BCL11A: variants seen among roughly 807,000 people sequenced by gnomAD.
BCL11A encodes B cell CLL/lymphoma 11A.
In BCL11A, 2 loss-of-function variants were observed where a neutral mutation model predicts 55.9. That is an observed-to-expected ratio of 0.04 (90% CI 0.01 to 0.11). The LOEUF (loss-of-function observed/expected upper bound fraction) is 0.11, where lower values mean the gene tolerates loss of function less well. BCL11A is among the 10% of genes least tolerant of loss of function. The pLI is 1.00. For missense variants in BCL11A, 817 were observed against 1,137.1 expected (o/e 0.72, Z 4.05); for synonymous variants, 465 against 473.4 (o/e 0.98, Z 0.23).
At chr2:60,486,879 C>T (rs970304577) in intron 2 of BCL11A, among the ~76,000 whole-genome samples, 1 of 152,198 alleles carries the variant, frequency 6.6e-6, no homozygotes, top group African/African-American at 2.4e-5. Flanking sequence ...CATGGCTCAG[C>T]CCACGCCCTT....
chr2:60,473,866 G>T (rs1677362552), intron 2 of BCL11A, among the ~76,000 whole-genome samples: 1 of 152,174 alleles, frequency 6.6e-6, no homozygotes, highest in African/African-American at 2.4e-5. Context: ...CTAGAAATGA[G>T]CATTTACATG....
intron 2 of BCL11A, among the ~76,000 whole-genome samples, chr2:60,521,332 G>T (rs903153566): frequency 7.2e-5 from 11 of 152,186 alleles, no homozygotes; most frequent in Admixed American, 7.2e-4. Context: ...GAGAGAGAGC[G>T]GACATTTTGT....
intron 2 of BCL11A, among the ~76,000 whole-genome samples, chr2:60,492,516 C>T (rs1678694544): frequency 6.6e-6 from 1 of 152,118 alleles, no homozygotes; most frequent in Non-Finnish European, 1.5e-5. Context: ...CAGATTTCCT[C>T]CCCTTGCTCT....
chr2:60,459,584 T>C lies in BCL11A; in HGVS notation c.*820A>G, dbSNP rs1676118443. 2 of 1,027,410 alleles carry C rather than the reference T, an allele frequency of 1.9e-6. No individual in the cohort carries two copies. The highest frequency in any genetic ancestry group is 1.7e-5 in the African/African-American group (1 of 58,948). The allele number at this position is 1,027,410 out of a possible 1,614,324, so 63.6% of individuals were successfully genotyped here. A position where few individuals can be genotyped will look rare whatever the true frequency, so the allele number is the denominator to read the frequency against. On this transcript the variant is annotated 3_prime_UTR_variant, in exon 4 of 4. Coordinates refer to ENST00000642384, the MANE Select transcript of BCL11A (RefSeq NM_022893.4). The stretch of plus-strand genomic sequence containing the variant: ...AATACAATATAGAATTATATGCTAG[T>C]TCCTAAGGTTTATTACCTCACCCAA...
intron 2 of BCL11A, chr2:60,544,248 T>C (rs180731208): frequency 5.2e-5 from 8 of 152,384 alleles, no homozygotes; most frequent in Non-Finnish European, 5.9e-5. Context: ...TACTCCATAT[T>C]TGGTGATTTA....
At chr2:60,488,962 G>C (rs975243437) in intron 2 of BCL11A, among the ~76,000 whole-genome samples, 4 of 152,250 alleles carry the variant, frequency 2.6e-5, no homozygotes, top group Admixed American at 1.3e-4. Flanking sequence ...GTTTCTCCAT[G>C]TTGGTCAGGC....
In BCL11A at chr2:60,461,415, T is replaced by A; in HGVS notation, c.1497A>T (p.Glu499Asp). 6.2e-7 allele frequency: 1 copy of A among 1,604,376 alleles called. No individual in the cohort carries two copies. The part of the protein sequence containing the change: ...EDDEEEEEEE[E>D]EEEEELTESE... ...TCTCCGTCAGCTCCTCCTCCTCCTC[T>A]TCCTCCTCTTCTTCCTCTTCCTCGT... is the stretch of plus-strand genomic sequence containing the variant. Residue 499 changes from glutamate to aspartate, a missense_variant, in exon 4 of 4, where the codon GAA (glutamate) becomes GAT (aspartate). This residue lies in a region of BCL11A where 379 missense variants were observed against 425.3 expected (regional missense o/e 0.89). Coordinates refer to ENST00000642384, the MANE Select transcript of BCL11A (RefSeq NM_022893.4).
intron 1 of BCL11A, chr2:60,549,825 T>C (rs1375339983): frequency 1.3e-5 from 2 of 152,256 alleles, no homozygotes; most frequent in African/African-American, 4.8e-5. Context: ...GGTCCTGAGA[T>C]TCATTCTGTG....
chr2:60,520,891 G>T (rs897764062), intron 2 of BCL11A, among the ~76,000 whole-genome samples: 1 of 151,992 alleles, frequency 6.6e-6, no homozygotes, highest in East Asian at 1.9e-4. Context: ...CTTCTTTGCA[G>T]AAAAAAAGAT....
At chr2:60,536,140 GCTCCA>G (rs914024182) in intron 2 of BCL11A, 1 of 152,140 alleles carries the variant, frequency 6.6e-6, no homozygotes, top group African/African-American at 2.4e-5. Context: ...CCAGCTTACC[GCTCCA>G]CTGCTAGACC....
downstream of BCL11A, among the ~76,000 whole-genome samples, chr2:60,455,107 T>TAA (rs567617557): frequency 6.2e-4 from 94 of 152,310 alleles, no homozygotes; most frequent in East Asian, 2.1e-3. Context: ...GTTTCTGGTT[T>TAA]AAAATCTGTG....
chr2:60,513,004 A>G (rs1668548544), intron 2 of BCL11A, among the ~76,000 whole-genome samples: 1 of 152,162 alleles, frequency 6.6e-6, no homozygotes, highest in Non-Finnish European at 1.5e-5. Context: ...CTGACGAGTC[A>G]CAGTGGACCA....
chr2:60,512,259 G>A (rs1425630999), intron 2 of BCL11A, among the ~76,000 whole-genome samples: 1 of 152,196 alleles, frequency 6.6e-6, no homozygotes, highest in Non-Finnish European at 1.5e-5. Context: ...AACTGCTCAT[G>A]GTGGCTGCCC....
At chr2:60,540,916 G>A (rs1441157446) in intron 2 of BCL11A, among the ~76,000 whole-genome samples, 1 of 151,100 alleles carries the variant, frequency 6.6e-6, no homozygotes, top group Non-Finnish European at 1.5e-5. Context: ...AACAAGGAAT[G>A]GGGTGATTTA....
chr2:60,463,405 T>C, intron 3 of BCL11A, among the ~76,000 whole-genome samples: 1 of 152,232 alleles, frequency 6.6e-6, no homozygotes, highest in African/African-American at 2.4e-5. Flanking sequence ...TTTGAGAGGC[T>C]AACAACGTGA....
intron 2 of BCL11A, among the ~76,000 whole-genome samples, chr2:60,485,894 T>G (rs1372717108): frequency 6.6e-6 from 1 of 152,238 alleles, no homozygotes; most frequent in Non-Finnish European, 1.5e-5. Context: ...AATACATTGC[T>G]GCATCTGATT....
exon 5 of BCL11A, chr2:60,451,282 C>T (rs768723833): frequency 4.0e-4 from 90 of 226,524 alleles, no homozygotes; most frequent in Non-Finnish European, 6.7e-4. Context: ...GGATTTTCCC[C>T]ACTTAGGTTC....
At position 60,461,473 on chromosome 2, in the gene BCL11A, G is replaced by A. The variant is rs757924667; in HGVS notation, c.1439C>T (p.Pro480Leu). 1.2e-6 allele frequency: 2 copies of A among 1,604,622 alleles called. No homozygotes were observed. Among genetic ancestry groups the A allele is most frequent in the Non-Finnish European group, 1.7e-6 (2 of 1,179,692 alleles). ...CTCTTCCTCCTCGTCCCCGTTCTCC[G>A]GGATCAGGTTGGGGTCGTTCTCGCT... ...FKSENDPNLI[P>L]ENGDEEEEED... Residue 480 changes from proline (P) to leucine (L), a missense_variant, in exon 4 of 4, where the codon CCG (proline) becomes CTG (leucine). Pro to Leu is a moderately conservative substitution (Grantham distance 98, BLOSUM62 -3). This residue lies in a region of BCL11A where 379 missense variants were observed against 425.3 expected (regional missense o/e 0.89). Coordinates refer to ENST00000642384, the MANE Select transcript of BCL11A (RefSeq NM_022893.4).
At chr2:60,552,549 G>A (rs1670459192) in intron 1 of BCL11A, among the ~76,000 whole-genome samples, 1 of 152,272 alleles carries the variant, frequency 6.6e-6, no homozygotes, top group Middle Eastern at 3.4e-3. Flanking sequence ...CGTCCTTCCC[G>A]GTCCCACGGC....
Sources: allele counts gnomAD v4.1 joint callset (sites outside exome capture counted in the v4.1 genomes callset), GRCh38; gene constraint gnomAD v4.1.1; regional missense constraint gnomAD v4.1.1; transcripts MANE v1.5; gene names NCBI Gene and HGNC (gene_info 2026-07-23, HGNC 2026-07-21).